ZNF837: variants seen among roughly 807,000 people sequenced by gnomAD.
ZNF837 encodes zinc finger protein 837.
For missense variants in ZNF837, 955 were observed against 801.7 expected, an observed-to-expected ratio of 1.19 and a Z score of -2.31; for synonymous variants, 475 against 365.2, an observed-to-expected ratio of 1.30 and a Z score of -3.43.
chr19:58,380,618 C>CAGGT (rs1220505730), intron 1 of ZNF837, among the ~76,000 whole-genome samples: 1 of 152,214 alleles, frequency 6.6e-6, no homozygotes, highest in Non-Finnish European at 1.5e-5. Context: ...CCTCGGCTAG[C>CAGGT]AGGTGGGCTT....
rs147185024 is a variant in ZNF837, at chr19:58,371,690, G to A, written c.-139-1762C>T. On this transcript the variant is annotated intron_variant, in intron 1 of 2. Coordinates refer to ENST00000597582, the MANE Select transcript of ZNF837 (RefSeq NM_138466.2). ...CCTTTTGTCCTGTGTTCCCTATTCT[G>A]TGCAAGGCAGATATCCTCTTATTTT... Among the ~76,000 whole-genome samples the A allele has an allele frequency of 9.6e-4, 146 of 151,306 alleles. 4 individuals are homozygous for A. In the East Asian group the frequency reaches 0.02, roughly 21 times the overall value.
At position 58,367,867 on chromosome 19, in the gene ZNF837, C is replaced by A; in HGVS notation, c.1466G>T (p.Ser489Ile). The A allele has an allele frequency of 6.5e-7, 1 of 1,535,434 alleles. No individual in the cohort carries two copies. The highest frequency in any genetic ancestry group is 1.2e-5 in the South Asian group (1 of 83,848). Residue 489 changes from serine (S) to isoleucine (I), a missense_variant, in exon 3 of 3, where the codon AGC (serine) becomes ATC (isoleucine). Transcript: ENST00000597582. ...DCGKAFVRNC[S>I]LVRHLRTHTG... ...GTGCGTGCGCAGGTGGCGCACCAGG[C>A]TGCAGTTGCGCACGAAGGCCTTGCC... is the stretch of plus-strand genomic sequence containing the variant.
intron 1 of ZNF837, among the ~76,000 whole-genome samples, chr19:58,379,881 G>C (rs1473024136): frequency 6.6e-6 from 1 of 152,176 alleles, no homozygotes; most frequent in African/African-American, 2.4e-5. Context: ...TGTAATCCCA[G>C]CTACTCGGGA....
chr19:58,372,659 G>A (rs2052212398), intron 1 of ZNF837, among the ~76,000 whole-genome samples: 1 of 152,228 alleles, frequency 6.6e-6, no homozygotes, highest in South Asian at 2.1e-4. Flanking sequence ...ACTTCAGAGC[G>A]ACTGGCTGCA....
At chr19:58,370,544 TAC>T (rs1568566424) in intron 1 of ZNF837, among the ~76,000 whole-genome samples, 1 of 152,194 alleles carries the variant, frequency 6.6e-6, no homozygotes, top group East Asian at 1.9e-4. Flanking sequence ...TTTGCTGAGA[TAC>T]ACACACGTGC....
At position 58,368,310 on chromosome 19, in the gene ZNF837, G is replaced by A. The variant is rs1367077717; in HGVS notation, c.1023C>T (p.Cys341=). Residue 341 remains cysteine, a synonymous_variant, in exon 3 of 3, where the codon TGC becomes TGT. Coordinates refer to ENST00000597582, the MANE Select transcript of ZNF837 (RefSeq NM_138466.2). The part of the protein sequence containing the change: ...VLARRAFRLG[C]PPCGDYSERS... ...GCTCGCTGTAGTCCCCGCAGGGCGGGCACCCCAGCCGGAAGGCGCGCCGCG... is the reference window on the plus strand; with the variant it reads ...GCTCGCTGTAGTCCCCGCAGGGCGGACACCCCAGCCGGAAGGCGCGCCGCG... 4 of 1,486,868 alleles carry A rather than the reference G, an allele frequency of 2.7e-6. No individual in the cohort carries two copies. The highest frequency in any genetic ancestry group is 1.8e-6 in the Non-Finnish European group (2 of 1,128,114). 92.1% of individuals were successfully genotyped at this position (1,486,868 alleles called of 1,614,324 possible).
Position 58,368,937 on chromosome 19 carries a change from C to T in ZNF837, c.396G>A (p.Trp132Ter). ...TCTCCCCAGCGGGCGCCCCGCGATG[C>T]CACGCCAGGCAGGAGTTCCTGCTGC... ...GDCSRNSCLAWHRGAPAGETP... is the reference protein window; with the variant it reads ...GDCSRNSCLA The change falls in exon 3 of 3, where the codon TGG becomes TGA. Residue 132 changes from tryptophan (W) to a stop codon, truncating the protein, a stop_gained. Transcript: ENST00000597582. LOFTEE classifies it low-confidence loss of function (END_TRUNC). 6.5e-7 allele frequency: 1 copy of T among 1,544,338 alleles called. No individual in the cohort carries two copies. Among genetic ancestry groups the T allele is most frequent in the East Asian group, 2.5e-5 (1 of 40,714 alleles).
chr19:58,372,267 G>A (rs940445750), intron 1 of ZNF837, among the ~76,000 whole-genome samples: 1 of 151,808 alleles, frequency 6.6e-6, no homozygotes, highest in Non-Finnish European at 1.5e-5. Context: ...CCATGTTCAC[G>A]GGGCTGGTCT....
chr19:58,367,933 C>T lies in ZNF837; in HGVS notation c.1400G>A (p.Arg467His), dbSNP rs978236442. 7 of 1,534,112 alleles carry T rather than the reference C, an allele frequency of 4.6e-6. No homozygotes were observed. The highest frequency in any genetic ancestry group is 2.5e-5 in the East Asian group (1 of 40,754). The part of the protein sequence containing the change: ...RGCSELRQHE[R>H]LHSGEKPYIC... Reference sequence around the variant, plus strand: ...GTAGGGCTTCTCGCCCGAGTGCAGGCGCTCGTGCTGGCGCAGCTCGGAGCA... The same window carrying T: ...GTAGGGCTTCTCGCCCGAGTGCAGGTGCTCGTGCTGGCGCAGCTCGGAGCA... The change falls in exon 3 of 3, where the codon CGC (arginine) becomes CAC (histidine). Residue 467 changes from arginine to histidine, a missense_variant. Arg to His is a conservative substitution (Grantham distance 29). Transcript: ENST00000597582.
rs746598958 is a variant in ZNF837, at chr19:58,369,089, C to T, written c.244G>A (p.Ala82Thr). 6.6e-6 allele frequency: 10 copies of T among 1,513,324 alleles called. No individual in the cohort carries two copies. Among genetic ancestry groups the T allele is most frequent in the South Asian group, 2.5e-5 (2 of 79,382 alleles). The allele number at this position is 1,513,324 out of a possible 1,614,324, so 93.7% of individuals were successfully genotyped here. A position where few individuals can be genotyped will look rare whatever the true frequency, so the allele number is the denominator to read the frequency against. ...VSPGPGTRHS[A>T]GTRPLVREPC... is the part of the protein sequence containing the mutation. ...TCCCGCACGAGGGGTCTGGTCCCGG[C>T]GCTGTGCCGGGTCCCCGGGCCGGGG... Residue 82 changes from alanine to threonine, a missense_variant, in exon 3 of 3, where the codon GCC becomes ACC. Ala to Thr is a moderately conservative substitution (Grantham distance 58). Coordinates refer to ENST00000597582, the MANE Select transcript of ZNF837 (RefSeq NM_138466.2).
chr19:58,371,749 GCTCT>G (rs888201751), intron 1 of ZNF837, among the ~76,000 whole-genome samples: 16 of 151,982 alleles, frequency 1.1e-4, no homozygotes, highest in Non-Finnish European at 1.8e-4. Context: ...TGAGACAGAG[GCTCT>G]CTCTGTCACC....
intron 1 of ZNF837, among the ~76,000 whole-genome samples, chr19:58,375,270 G>GTATGTATA (rs2052233021): frequency 2.9e-4 from 10 of 34,852 alleles, no homozygotes; most frequent in African/African-American, 8.7e-4. Context: ...AAAAAAAAAA[G>GTATGTATA]TATATATATA....
intron 1 of ZNF837, among the ~76,000 whole-genome samples, chr19:58,378,678 C>T (rs140974378): frequency 0.01 from 1,585 of 152,300 alleles, 32 homozygotes; most frequent in African/African-American, 0.036. Context: ...ATGTCCTAAC[C>T]CCGGAACTCT....
In ZNF837 at chr19:58,372,705, G is replaced by C. The variant is rs72629172; in HGVS notation, c.-139-2777C>G. 2.8e-3 allele frequency among the ~76,000 whole-genome samples: 420 copies of C among 152,308 alleles called. 7 individuals carry two copies. In the East Asian group the frequency reaches 0.072, roughly 26 times the overall value. ...GGAAGCTGCTGCCAGTTGCCCCTGG[G>C]GGGTTATTTCCTTCTTGGACATCAT... On this transcript the variant is annotated intron_variant, in intron 1 of 2. Coordinates refer to ENST00000597582, the MANE Select transcript of ZNF837 (RefSeq NM_138466.2).
In ZNF837 at chr19:58,368,486, T is replaced by G; in HGVS notation, c.847A>C (p.Thr283Pro). ...CGCTGGTGCTGCAGCAGGCTGGAGG[T>G]GCGCGTGAAGGCCTTGCCGCACTCG... ...CDECGKAFTR[T>P]SSLLQHQRIH... Residue 283 changes from threonine (T) to proline (P), a missense_variant, in exon 3 of 3, where the codon ACC becomes CCC. Thr to Pro is a conservative substitution (Grantham distance 38). Coordinates refer to ENST00000597582, the MANE Select transcript of ZNF837 (RefSeq NM_138466.2). The G allele has an allele frequency of 6.4e-7, 1 of 1,559,156 alleles. No homozygotes were observed. The highest frequency in any genetic ancestry group is 2.4e-5 in the East Asian group (1 of 41,604).
At chr19:58,369,682 T>G in intron 2 of ZNF837, 137 bp downstream of exon 2, 3 of 206,306 alleles carry the variant, frequency 1.5e-5, no homozygotes, top group East Asian at 1.0e-4. Flanking sequence ...GACTCCCCCG[T>G]TGCTCAGCTG....
chr19:58,372,117 C>G (rs953623710), intron 1 of ZNF837, among the ~76,000 whole-genome samples: 3 of 151,784 alleles, frequency 2.0e-5, no homozygotes, highest in Non-Finnish European at 2.9e-5. Context: ...TGAAGTGGCA[C>G]AATCTCAGCT....
At chr19:58,376,509 C>G (rs1276822149) in intron 1 of ZNF837, among the ~76,000 whole-genome samples, 1 of 115,588 alleles carries the variant, frequency 8.7e-6, no homozygotes, top group African/African-American at 3.4e-5. Context: ...AAGTCAAAAT[C>G]AGGCCACTAC....
intron 1 of ZNF837, among the ~76,000 whole-genome samples, chr19:58,380,665 G>C (rs527272866): frequency 6.6e-6 from 1 of 152,336 alleles, no homozygotes; most frequent in Admixed American, 6.5e-5. Flanking sequence ...ATGGGTCCCG[G>C]GCCTGGAGCC....
Sources: allele counts gnomAD v4.1 joint callset (sites outside exome capture counted in the v4.1 genomes callset), GRCh38; gene constraint gnomAD v4.1.1; transcripts MANE v1.5; gene names NCBI Gene and HGNC (gene_info 2026-07-23, HGNC 2026-07-21).